Variants in EIF2AK4 observed in about 807,000 individuals in gnomAD.
The protein encoded by EIF2AK4 is eIF-2-alpha kinase GCN2.
Under a neutral mutation model 211.1 loss-of-function variants are expected in EIF2AK4, and 139 were observed. The observed-to-expected ratio is 0.66, with a 90% CI of 0.57 to 0.76. The LOEUF (loss-of-function observed/expected upper bound fraction) is 0.76, where lower values mean the gene tolerates loss of function less well. Among genes scored for constraint, EIF2AK4 ranks in the 30% least tolerant of loss-of-function variants. EIF2AK4 has a pLI of 0.00. For synonymous variants in EIF2AK4, 710 were observed against 751.3 expected (o/e 0.94, Z 0.90); for missense variants, 1,664 against 2,043.8 (o/e 0.81, Z 3.58).
rs766539460 is a variant in EIF2AK4 at position 39,943,491 on chromosome 15, A to G, written c.360+6A>G. The G allele has an allele frequency of 1.9e-6, 3 of 1,570,434 alleles. No homozygotes were observed. The highest frequency in any genetic ancestry group is 2.5e-5 in the South Asian group (2 of 81,104). On this transcript the variant is annotated splice_donor_region_variant and intron_variant, in intron 3 of 38. Coordinates refer to ENST00000263791, the MANE Select transcript of EIF2AK4 (RefSeq NM_001013703.4). ...CCAAGAAACACTGTGGGGAGGTAAG[A>G]TTTGTTAAACTGGAATTAAAAGAAG...
At chr15:39,999,212 C>A (rs1003366469) in intron 20 of EIF2AK4, among the ~76,000 whole-genome samples, 2 of 152,058 alleles carry the variant, frequency 1.3e-5, no homozygotes, top group African/African-American at 2.4e-5. Flanking sequence ...TCTGGACAGT[C>A]TATTGTCACA....
chr15:39,936,296 A>G (rs2034063065), intron 1 of EIF2AK4, among the ~76,000 whole-genome samples: 2 of 152,250 alleles, frequency 1.3e-5, no homozygotes, highest in South Asian at 4.1e-4. Context: ...ACACATTCAT[A>G]GGACTGGCAG....
intron 29 of EIF2AK4, among the ~76,000 whole-genome samples, chr15:40,017,504 T>TACATACATAC (rs2035320366): frequency 2.1e-4 from 17 of 81,072 alleles, no homozygotes; most frequent in African/African-American, 8.0e-4. Flanking sequence ...TCTGTTTCTA[T>TACATACATAC]ATATATATAT....
At chr15:39,944,462 T>C (rs182901633) in intron 3 of EIF2AK4, among the ~76,000 whole-genome samples, 294 of 124,010 alleles carry the variant, frequency 2.4e-3, no homozygotes, top group Admixed American at 5.0e-3. Flanking sequence ...GGCGGAGTCT[T>C]GCTCTGTCAC....
intron 12 of EIF2AK4, 183 bp downstream of exon 12, chr15:39,977,027 A>G: frequency 3.1e-6 from 2 of 642,754 alleles, no homozygotes; most frequent in Non-Finnish European, 4.6e-6. Flanking sequence ...CTTGGCTGCA[A>G]CATCCGCCTC....
At chr15:39,972,015 A>G (rs1038103360) in intron 9 of EIF2AK4, among the ~76,000 whole-genome samples, 1 of 152,180 alleles carries the variant, frequency 6.6e-6, no homozygotes, top group African/African-American at 2.4e-5. Context: ...AGAATTGTCT[A>G]TTACACCATT....
intron 37 of EIF2AK4, among the ~76,000 whole-genome samples, chr15:40,034,090 A>G (rs1013262492): frequency 3.3e-5 from 5 of 151,822 alleles, no homozygotes; most frequent in African/African-American, 1.2e-4. Flanking sequence ...TCACATCAGC[A>G]CACTAGGGCT....
chr15:39,967,809 C>T lies in EIF2AK4; in HGVS notation c.1483C>T (p.Gln495Ter). Residue 495 changes from glutamine (Q) to a stop codon, truncating the protein, a stop_gained, in exon 9 of 39, where the codon CAG (glutamine) becomes TAG (stop). Transcript: ENST00000263791. LOFTEE classifies it high-confidence loss of function. ...GLLLLSLSQG[Q>*]ECGEYPVTIP... is the part of the protein sequence containing the mutation. The stretch of plus-strand genomic sequence containing the variant: ...TCTGCTGCTGTCCCTCAGCCAAGGA[C>T]AGGAATGTGGAGAGTACCCTGTGAC... 6.2e-7 allele frequency: 1 copy of T among 1,614,168 alleles called. No individual in the cohort carries two copies. The highest frequency in any genetic ancestry group is 8.5e-7 in the Non-Finnish European group (1 of 1,180,044).
At chr15:39,976,315 T>A (rs2034691159) in intron 11 of EIF2AK4, 99 bp from the exon 12 acceptor site, 1 of 1,332,586 alleles carries the variant, frequency 7.5e-7, no homozygotes, top group Admixed American at 2.5e-5. Context: ...TGGGACTCAT[T>A]TAGAACTTCA....
rs2140935175 is a variant in EIF2AK4 at position 40,002,871 on chromosome 15, A to T, written c.3235+83A>T. ...GAAAGTACTGTTAGTGTTCGGGCAT[A>T]TCATATTTTACTTTCAAATTCAGTT... is the stretch of plus-strand genomic sequence containing the variant. On this transcript the variant is annotated intron_variant, in intron 22 of 38. Transcript: ENST00000263791. The T allele has an allele frequency of 3.5e-6, 5 of 1,448,616 alleles. No individual in the cohort carries two copies. In the South Asian group the frequency reaches 4.8e-5, roughly 14 times the overall value. The allele number at this position is 1,448,616 out of a possible 1,614,324, so 89.7% of individuals were successfully genotyped here. A position where few individuals can be genotyped will look rare whatever the true frequency, so the allele number is the denominator to read the frequency against.
chr15:39,980,105 C>A (rs572116558), intron 13 of EIF2AK4, among the ~76,000 whole-genome samples: 28 of 152,170 alleles, frequency 1.8e-4, no homozygotes, highest in Admixed American at 5.9e-4. Context: ...ATTTCTTAAT[C>A]ATGACCCCAT....
At chr15:40,010,248 T>A (rs2035217361) in intron 26 of EIF2AK4, among the ~76,000 whole-genome samples, 1 of 152,222 alleles carries the variant, frequency 6.6e-6, no homozygotes, top group Non-Finnish European at 1.5e-5. Flanking sequence ...ATGTTGAGAA[T>A]AAACAGTGTG....
At chr15:39,951,644 A>G in intron 4 of EIF2AK4, 1 of 245,970 alleles carries the variant, frequency 4.1e-6, no homozygotes, top group Non-Finnish European at 8.5e-6. Context: ...ATGCCACAGT[A>G]CCAGGCCTGA....
Position 39,985,889 on chromosome 15 carries a change from G to T in EIF2AK4, c.2403+1G>T. 1.2e-6 allele frequency: 2 copies of T among 1,613,690 alleles called. No homozygotes were observed. Among genetic ancestry groups the T allele is most frequent in the Non-Finnish European group, 1.7e-6 (2 of 1,179,800 alleles). On this transcript the variant is annotated splice_donor_variant, in intron 14 of 38. Transcript: ENST00000263791. LOFTEE classifies it high-confidence loss of function. ...GGCTGTGCACTACCTATACATCCAGGTGAGGTCGTGGTGTGTAGTTAGGTG... is the reference window on the plus strand; with the variant it reads ...GGCTGTGCACTACCTATACATCCAGTTGAGGTCGTGGTGTGTAGTTAGGTG...
chr15:40,014,884 T>G (rs184032251), intron 27 of EIF2AK4, among the ~76,000 whole-genome samples: 118 of 152,312 alleles, frequency 7.7e-4, no homozygotes, highest in Non-Finnish European at 1.5e-3. Context: ...GCTTTGTTGC[T>G]TAGAAATTTA....
chr15:40,024,091 T>C (rs1187608330), intron 32 of EIF2AK4, among the ~76,000 whole-genome samples: 2 of 152,232 alleles, frequency 1.3e-5, no homozygotes, highest in East Asian at 1.9e-4. Context: ...TAGGATTTTA[T>C]ATCTTCTTGA....
chr15:39,999,172 A>C (rs764840961), intron 20 of EIF2AK4, among the ~76,000 whole-genome samples: 36 of 152,208 alleles, frequency 2.4e-4, no homozygotes, highest in Non-Finnish European at 3.7e-4. Context: ...TGGTTGCAGT[A>C]GCTCAGATTA....
chr15:39,970,720 A>G (rs1173186250), intron 9 of EIF2AK4, among the ~76,000 whole-genome samples: 1 of 152,192 alleles, frequency 6.6e-6, no homozygotes, highest in Non-Finnish European at 1.5e-5. Context: ...AGACACCCTA[A>G]GTGGAAGAAA....
chr15:39,985,927 C>T (rs2034859123), intron 14 of EIF2AK4, 39 bp downstream of exon 14: 1 of 1,580,112 alleles, frequency 6.3e-7, no homozygotes, highest in Non-Finnish European at 8.7e-7. Context: ...ACAGCAACAC[C>T]CAGTAGTGGC....
Sources: allele counts gnomAD v4.1 joint callset (sites outside exome capture counted in the v4.1 genomes callset), GRCh38; gene constraint gnomAD v4.1.1; transcripts MANE v1.5; gene names NCBI Gene and HGNC (gene_info 2026-07-23, HGNC 2026-07-21).